PCCA: variants seen among roughly 807,000 people sequenced by gnomAD.
PCCA encodes propionyl-CoA carboxylase alpha chain, mitochondrial.
PCCA carries 74 observed loss-of-function variants against 101.3 expected under a neutral mutation model. That is an observed-to-expected ratio of 0.73 (90% confidence interval 0.61 to 0.89). The LOEUF is 0.89. Among genes scored for constraint, PCCA ranks in the 40% least tolerant of loss-of-function variants. PCCA has a pLI of 0.00. For synonymous variants in PCCA, 294 were observed against 313.6 expected, an observed-to-expected ratio of 0.94 and a Z score of 0.66; for missense variants, 891 against 907.0, an observed-to-expected ratio of 0.98 and a Z score of 0.23.
At chr13:100,347,704 CATT>C (rs1302971696) in intron 18 of PCCA, among the ~76,000 whole-genome samples, 1 of 152,024 alleles carries the variant, frequency 6.6e-6, no homozygotes, top group African/African-American at 2.4e-5. Flanking sequence ...TTTTTTAACT[CATT>C]ATCTTTTAGA....
At chr13:100,380,981 G>T (rs1317260531) in intron 19 of PCCA, among the ~76,000 whole-genome samples, 2 of 152,240 alleles carry the variant, frequency 1.3e-5, no homozygotes, top group Admixed American at 1.3e-4. Context: ...AGCACATATA[G>T]AGATGTTCTG....
At chr13:100,240,996 C>T (rs1331317921) in intron 8 of PCCA, among the ~76,000 whole-genome samples, 1 of 152,056 alleles carries the variant, frequency 6.6e-6, no homozygotes, top group African/African-American at 2.4e-5. Context: ...TGGAGATTTC[C>T]CTCATGATCC....
intron 19 of PCCA, among the ~76,000 whole-genome samples, chr13:100,416,530 G>GTGTT (rs904111762): frequency 2.0e-5 from 3 of 150,578 alleles, no homozygotes; most frequent in African/African-American, 7.3e-5. Context: ...GTGTGTGTGT[G>GTGTT]TGTGTGTATG....
intron 14 of PCCA, among the ~76,000 whole-genome samples, chr13:100,304,546 G>T (rs981618613): frequency 6.6e-6 from 1 of 152,140 alleles, no homozygotes; most frequent in African/African-American, 2.4e-5. Flanking sequence ...TAGACATGGC[G>T]GGCTGGGAGT....
intron 21 of PCCA, 146 bp downstream of exon 21, chr13:100,449,451 G>A: frequency 1.7e-6 from 1 of 590,170 alleles, no homozygotes; most frequent in South Asian, 2.2e-5. Context: ...ATATTCTAGG[G>A]AACAACTTCA....
chr13:100,328,049 G>T (rs1259513188), intron 16 of PCCA, among the ~76,000 whole-genome samples: 2 of 151,968 alleles, frequency 1.3e-5, no homozygotes, highest in Admixed American at 6.6e-5. Context: ...CAGCAAAAAC[G>T]TGTCTCTACA....
At position 100,110,135 on chromosome 13, in the gene PCCA, A is replaced by C. The variant is rs188481486; in HGVS notation, c.184-1706A>C. 7.4e-3 allele frequency among the ~76,000 whole-genome samples: 1,125 copies of C among 152,266 alleles called. 16 individuals are homozygous for C. The highest frequency in any genetic ancestry group is 0.026 in the African/African-American group (1,074 of 41,530). On this transcript the variant is annotated intron_variant, in intron 2 of 23. Transcript: ENST00000376285. ...GCGACAGAGTGAGACTCCATCTCAAAAAACAAACAAACAAACAAACTGCTC... is the reference window on the plus strand; with the variant it reads ...GCGACAGAGTGAGACTCCATCTCAACAAACAAACAAACAAACAAACTGCTC...
chr13:100,246,989 A>G (rs1467996874), intron 8 of PCCA, among the ~76,000 whole-genome samples: 3 of 150,778 alleles, frequency 2.0e-5, no homozygotes, highest in East Asian at 2.0e-4. Context: ...GCTCAATGCA[A>G]CCTCCGCCTC....
chr13:100,286,295 C>G (rs905092682), intron 12 of PCCA, among the ~76,000 whole-genome samples: 1 of 152,184 alleles, frequency 6.6e-6, no homozygotes, highest in Non-Finnish European at 1.5e-5. Flanking sequence ...TGAGCACACA[C>G]TCGGACAAGG....
chr13:100,323,552 G>A (rs2068306851), intron 16 of PCCA, among the ~76,000 whole-genome samples: 1 of 152,048 alleles, frequency 6.6e-6, no homozygotes, highest in African/African-American at 2.4e-5. Flanking sequence ...TGCTGACCTT[G>A]TGATCCTCCT....
intron 16 of PCCA, among the ~76,000 whole-genome samples, chr13:100,319,534 A>G (rs1157309024): frequency 6.6e-6 from 1 of 152,162 alleles, no homozygotes; most frequent in Non-Finnish European, 1.5e-5. Flanking sequence ...GAAGGGATCC[A>G]GTTTCAGCTT....
chr13:100,330,805 C>A, intron 17 of PCCA, 134 bp downstream of exon 17: 1 of 649,202 alleles, frequency 1.5e-6, no homozygotes, highest in Non-Finnish European at 2.7e-6. Context: ...ACATGCAAGA[C>A]TGTTTACATT....
At chr13:100,331,219 T>C (rs1268931208) in intron 17 of PCCA, among the ~76,000 whole-genome samples, 2 of 152,178 alleles carry the variant, frequency 1.3e-5, no homozygotes, top group Admixed American at 1.3e-4. Flanking sequence ...GTAGAAAAAT[T>C]GCTCATCAAA....
intron 7 of PCCA, among the ~76,000 whole-genome samples, chr13:100,212,736 A>C (rs1339470246): frequency 6.6e-6 from 1 of 152,090 alleles, no homozygotes; most frequent in Admixed American, 6.6e-5. Flanking sequence ...AGTCTAATAT[A>C]CTTTTAGTTA....
At chr13:100,499,203 G>C (rs1191740735) in intron 21 of PCCA, among the ~76,000 whole-genome samples, 2 of 152,194 alleles carry the variant, frequency 1.3e-5, no homozygotes, top group Non-Finnish European at 2.9e-5. Flanking sequence ...AGCCTTTGCT[G>C]TTCCCAAAAG....
intron 4 of PCCA, among the ~76,000 whole-genome samples, chr13:100,146,065 A>G (rs1185110799): frequency 2.7e-5 from 4 of 149,018 alleles, no homozygotes; most frequent in Non-Finnish European, 3.0e-5. Flanking sequence ...TCAGTCTCCC[A>G]AGCAGCTGGG....
rs548472989 is a variant in PCCA, at chr13:100,390,052, G to GA, written c.1746+21484dup. On this transcript the variant is annotated intron_variant, in intron 19 of 23. Coordinates refer to ENST00000376285, the MANE Select transcript of PCCA (RefSeq NM_000282.4). Reference sequence around the variant, plus strand: ...GAGCCTCAGCTGCAAGTATTTTGGAGAAAAAATGGATCAACATGGAAGAGA... The same window carrying GA: ...GAGCCTCAGCTGCAAGTATTTTGGAGAAAAAAATGGATCAACATGGAAGAGA... Among the ~76,000 whole-genome samples the GA allele has an allele frequency of 1.2e-3, 178 of 152,178 alleles. 6 individuals carry two copies. In the South Asian group the frequency reaches 0.031, roughly 27 times the overall value.
In PCCA at chr13:100,193,801, C is replaced by T. The variant is rs185515185; in HGVS notation, c.469-15531C>T. Among the ~76,000 whole-genome samples, 16 of 152,120 alleles carry T rather than the reference C, an allele frequency of 1.1e-4. 1 individual carries two copies. The highest frequency in any genetic ancestry group is 2.0e-4 in the Admixed American group (3 of 15,282). ...AGGTAATTAATTATAAATCATAGTC[C>T]GGGTGCGGTGGCTCATGCCTGTAAT... On this transcript the variant is annotated intron_variant, in intron 6 of 23. Transcript: ENST00000376285.
chr13:100,095,627 G>A (rs1375576692), intron 1 of PCCA, among the ~76,000 whole-genome samples: 1 of 152,154 alleles, frequency 6.6e-6, no homozygotes, highest in Non-Finnish European at 1.5e-5. Context: ...GACTATATGG[G>A]GGCCTAGCAT....
Sources: gnomAD v4.1 joint callset for allele counts (sites outside exome capture counted in the v4.1 genomes callset) on GRCh38, gnomAD v4.1.1 for gene constraint, MANE v1.5 for transcripts, NCBI Gene and HGNC (gene_info 2026-07-23, HGNC 2026-07-21) for gene names.